The following ADAMTSL3 variants were observed in gnomAD, a reference collection of about 807,000 sequenced individuals.
ADAMTSL3 encodes ADAMTS like 3.
ADAMTSL3 carries 128 observed loss-of-function variants against 201.7 expected under a neutral mutation model. The ratio of observed to expected loss-of-function variants is 0.63; its 90% CI spans 0.55 to 0.73. The LOEUF (loss-of-function observed/expected upper bound fraction) is 0.73. Ranked by LOEUF, ADAMTSL3 falls within the 30% of genes least tolerant of loss-of-function variation. The probability of loss-of-function intolerance (pLI) is 0.00; values close to 1 mark genes in which losing one functional copy is unlikely to be tolerated. For missense variants in ADAMTSL3, 1,990 were observed against 2,119.6 expected (o/e 0.94, Z 1.20); for synonymous variants, 738 against 748.4 (o/e 0.99, Z 0.23).
intron 3 of ADAMTSL3, among the ~76,000 whole-genome samples, chr15:83,757,148 C>T (rs909681882): frequency 2.0e-5 from 3 of 152,254 alleles, no homozygotes; most frequent in African/African-American, 7.2e-5. Context: ...CTCTACTAGG[C>T]AGTGCCCCAG....
At chr15:84,014,281 C>A (rs1025899744) in intron 23 of ADAMTSL3, among the ~76,000 whole-genome samples, 1 of 152,188 alleles carries the variant, frequency 6.6e-6, no homozygotes, top group African/African-American at 2.4e-5. Context: ...CAATACAGAG[C>A]AATCCTACTC....
At chr15:83,662,668 C>G (rs923898475) in intron 2 of ADAMTSL3, among the ~76,000 whole-genome samples, 1 of 151,900 alleles carries the variant, frequency 6.6e-6, no homozygotes, top group Non-Finnish European at 1.5e-5. Context: ...TCTCCCTTTC[C>G]TCTAGTCTGG....
At chr15:83,892,300 G>A (rs578220132) in intron 12 of ADAMTSL3, among the ~76,000 whole-genome samples, 1 of 152,002 alleles carries the variant, frequency 6.6e-6, no homozygotes, top group East Asian at 1.9e-4. Context: ...GGGATGCTGA[G>A]GCAGGCGGAT....
chr15:83,962,729 G>T (rs2066996870), intron 19 of ADAMTSL3: 1 of 152,190 alleles, frequency 6.6e-6, no homozygotes, highest in African/African-American at 2.4e-5. Flanking sequence ...TGGCTGGCAA[G>T]ATGGCCAAAT....
At chr15:84,035,457 T>G (rs2068487538) in intron 28 of ADAMTSL3, among the ~76,000 whole-genome samples, 1 of 152,228 alleles carries the variant, frequency 6.6e-6, no homozygotes, top group African/African-American at 2.4e-5. Flanking sequence ...ACTCAATTTT[T>G]GGTCCCTAAG....
chr15:83,736,831 T>C, intron 3 of ADAMTSL3, among the ~76,000 whole-genome samples: 1 of 152,132 alleles, frequency 6.6e-6, no homozygotes, highest in East Asian at 1.9e-4. Context: ...TTCCAGACCA[T>C]AGTCCTCCCA....
chr15:83,940,275 G>A (rs2066534647), intron 17 of ADAMTSL3, among the ~76,000 whole-genome samples: 6 of 152,164 alleles, frequency 3.9e-5, no homozygotes, highest in Admixed American at 3.9e-4. Context: ...TTCCACTGTG[G>A]TCAGAAAATA....
chr15:83,712,296 C>T (rs1274786853), intron 3 of ADAMTSL3, among the ~76,000 whole-genome samples: 1 of 152,218 alleles, frequency 6.6e-6, no homozygotes, highest in Non-Finnish European at 1.5e-5. Context: ...ATCGTCCCCT[C>T]ATGGTCAACA....
chr15:84,002,568 C>G (rs1426850299), intron 23 of ADAMTSL3, among the ~76,000 whole-genome samples: 1 of 152,152 alleles, frequency 6.6e-6, no homozygotes, highest in Non-Finnish European at 1.5e-5. Flanking sequence ...TCCAAACAAC[C>G]ATGCACCTTT....
At chr15:83,742,902 C>G (rs745986000) in intron 3 of ADAMTSL3, among the ~76,000 whole-genome samples, 1 of 152,156 alleles carries the variant, frequency 6.6e-6, no homozygotes, top group Non-Finnish European at 1.5e-5. Flanking sequence ...ATAATGAAAA[C>G]TGTTCTTTGA....
chr15:83,862,132 T>C (rs1488324556), intron 8 of ADAMTSL3: 4 of 152,154 alleles, frequency 2.6e-5, no homozygotes, highest in Non-Finnish European at 4.4e-5. Context: ...AAAGACCAAA[T>C]CTACGTCTGA....
intron 19 of ADAMTSL3, among the ~76,000 whole-genome samples, chr15:83,959,098 A>G (rs557933546): frequency 6.6e-6 from 1 of 152,366 alleles, no homozygotes; most frequent in African/African-American, 2.4e-5. Context: ...GGCACTCTAT[A>G]TACCTGGGAA....
chr15:83,862,104 A>T (rs193212623), intron 8 of ADAMTSL3: 2 of 152,230 alleles, frequency 1.3e-5, no homozygotes, highest in Non-Finnish European at 2.9e-5. Context: ...AGCATCCAAG[A>T]AATATGGGAC....
chr15:83,884,430 A>G (rs1433428314), intron 9 of ADAMTSL3, among the ~76,000 whole-genome samples: 1 of 144,484 alleles, frequency 6.9e-6, no homozygotes, highest in Non-Finnish European at 1.5e-5. Flanking sequence ...ATGTGGCACC[A>G]TGCTGGGCTA....
At position 83,975,417 on chromosome 15, in the gene ADAMTSL3, A is replaced by C. The variant is rs535390040; in HGVS notation, c.2644+4780A>C. ...TTTGCTAGTTCTGGCTGCTTCCAGT[A>C]ACACCCATCCCTGCTTGTCATAGCT... On this transcript the variant is annotated intron_variant, in intron 20 of 29. Transcript: ENST00000286744. 2.6e-5 allele frequency among the ~76,000 whole-genome samples: 4 copies of C among 152,180 alleles called. No individual in the cohort carries two copies. In the East Asian group the frequency reaches 7.8e-4, roughly 30 times the overall value.
chr15:83,732,072 T>C (rs1284482665), intron 3 of ADAMTSL3, among the ~76,000 whole-genome samples: 1 of 152,072 alleles, frequency 6.6e-6, no homozygotes, highest in African/African-American at 2.4e-5. Flanking sequence ...TGTGAGGAGA[T>C]GGATATGTTA....
At chr15:83,728,445 T>C (rs2062214719) in intron 3 of ADAMTSL3, among the ~76,000 whole-genome samples, 1 of 151,882 alleles carries the variant, frequency 6.6e-6, no homozygotes, top group African/African-American at 2.4e-5. Context: ...TCCTATTTTC[T>C]TTTTAGTGAG....
At chr15:83,690,542 TTG>T (rs566401153) in intron 2 of ADAMTSL3, among the ~76,000 whole-genome samples, 276 of 152,324 alleles carry the variant, frequency 1.8e-3, no homozygotes, top group Non-Finnish European at 2.8e-3. Context: ...CATCTCAGCT[TTG>T]TGGTCATTGC....
At position 84,037,734 on chromosome 15, in the gene ADAMTSL3, T is replaced by C. The variant is rs1338939339; in HGVS notation, c.5004T>C (p.Phe1668=). The C allele has an allele frequency of 6.2e-7, 1 of 1,613,414 alleles. No homozygotes were observed. The highest frequency in any genetic ancestry group is 1.7e-5 in the Admixed American group (1 of 59,858). Residue 1668 remains phenylalanine (F), a synonymous_variant, in exon 30 of 30, where the codon TTT becomes TTC. Transcript: ENST00000286744. ...CAGACACAACTCACTACTGTATGTT[T>C]GTAAAACATCTTAATTTGTGTTCTC... ...DCTDTTHYCM[F]VKHLNLCSLD...
Sources: allele counts gnomAD v4.1 joint callset (sites outside exome capture counted in the v4.1 genomes callset), GRCh38; gene constraint gnomAD v4.1.1; transcripts MANE v1.5; gene names NCBI Gene and HGNC (gene_info 2026-07-23, HGNC 2026-07-21).